The following RAD51C variants were observed in gnomAD, a reference collection of about 807,000 sequenced individuals.
The protein encoded by RAD51C is RAD51 paralog C.
Under a neutral mutation model 45.0 loss-of-function variants are expected in RAD51C, and 42 were observed. That is an observed-to-expected ratio of 0.93 (90% CI 0.73 to 1.21). RAD51C has a LOEUF of 1.21. Ranked by LOEUF, RAD51C falls within the 50% of genes most tolerant of loss-of-function variation. RAD51C has a pLI of 0.00. For synonymous variants in RAD51C, 172 were observed against 159.8 expected, an observed-to-expected ratio of 1.08 and a Z score of -0.58; for missense variants, 474 against 452.2, an observed-to-expected ratio of 1.05 and a Z score of -0.44.
intron 7 of RAD51C, among the ~76,000 whole-genome samples, chr17:58,726,011 A>C (rs1399021308): frequency 1.3e-5 from 2 of 151,524 alleles, no homozygotes; most frequent in Non-Finnish European, 2.9e-5. Flanking sequence ...AAAAAAAAAA[A>C]AAAAACAAGA....
intron 7 of RAD51C, among the ~76,000 whole-genome samples, chr17:58,727,947 A>AAT (rs1425092152): frequency 6.6e-6 from 1 of 151,718 alleles, no homozygotes; most frequent in Admixed American, 6.6e-5. Flanking sequence ...AAAAAAAAAA[A>AAT]AAAAGTTACA....
At position 58,703,276 on chromosome 17, in the gene RAD51C, G is replaced by A. The variant is rs2143799762; in HGVS notation, c.652G>A (p.Glu218Lys). 1 of 1,610,256 alleles carries A rather than the reference G, an allele frequency of 6.2e-7. No homozygotes were observed. The highest frequency in any genetic ancestry group is 8.5e-7 in the Non-Finnish European group (1 of 1,176,678). ...IYYFRCRDYTELLAQVYLLPD... is the reference protein window; with the variant it reads ...IYYFRCRDYTKLLAQVYLLPD... ...TTATTTTCGCTGTCGTGACTACACA[G>A]AGTTACTGGCACAAGTTTATCTTCT... The change falls in exon 4 of 9, where the codon GAG becomes AAG. Residue 218 changes from glutamate (E) to lysine (K), a missense_variant. Physicochemically the swap from Glu to Lys is moderately conservative, Grantham distance 56. Transcript: ENST00000337432.
intron 7 of RAD51C, among the ~76,000 whole-genome samples, chr17:58,727,430 G>C (rs1402463983): frequency 2.0e-5 from 3 of 152,128 alleles, no homozygotes; most frequent in Admixed American, 2.0e-4. Context: ...GGCCATAGCT[G>C]ACTTTATGGA....
At chr17:58,731,971 T>C (rs960694371) in intron 7 of RAD51C, among the ~76,000 whole-genome samples, 4 of 152,188 alleles carry the variant, frequency 2.6e-5, no homozygotes, top group Admixed American at 1.3e-4. Context: ...TAAGAAATTA[T>C]CATAATTCTT....
At chr17:58,698,543 G>C (rs1041573376) in intron 3 of RAD51C, among the ~76,000 whole-genome samples, 8 of 150,654 alleles carry the variant, frequency 5.3e-5, no homozygotes, top group African/African-American at 1.7e-4. Context: ...AGGCAAGTCA[G>C]GTCTTGAACT....
At chr17:58,716,572 C>G (rs1418753948) in intron 5 of RAD51C, among the ~76,000 whole-genome samples, 1 of 145,186 alleles carries the variant, frequency 6.9e-6, no homozygotes, top group Non-Finnish European at 1.5e-5. Context: ...ACGCCATTCT[C>G]CTCCCTCAGC....
intron 3 of RAD51C, among the ~76,000 whole-genome samples, chr17:58,702,001 G>GT (rs35306750): frequency 0.35 from 50,477 of 145,354 alleles, 9,218 homozygotes; most frequent in Middle Eastern, 0.5. Flanking sequence ...TTATTTTTTT[G>GT]TTTTTTTTTT....
chr17:58,711,883 T>C (rs1381818304), intron 5 of RAD51C, among the ~76,000 whole-genome samples: 1 of 151,936 alleles, frequency 6.6e-6, no homozygotes, highest in East Asian at 1.9e-4. Context: ...ATATATAACA[T>C]GTATGGCTTT....
chr17:58,695,053 C>T lies in RAD51C; in HGVS notation c.268C>T (p.Leu90Phe), dbSNP rs876659585. The T allele has an allele frequency of 6.2e-7, 1 of 1,614,112 alleles. No homozygotes were observed. The highest frequency in any genetic ancestry group is 8.5e-7 in the Non-Finnish European group (1 of 1,180,016). ...ESHKKCTALE[L>F]LEQEHTQGFI... Reference sequence around the variant, plus strand: ...ACACAAGAAGTGTACAGCACTGGAACTTCTTGAGCAGGAGCATACCCAGGG... The same window carrying T: ...ACACAAGAAGTGTACAGCACTGGAATTTCTTGAGCAGGAGCATACCCAGGG... The change falls in exon 2 of 9, where the codon CTT becomes TTT. Residue 90 changes from leucine to phenylalanine, a missense_variant. Physicochemically the swap from Leu to Phe is conservative, Grantham distance 22 (BLOSUM62 0). Coordinates refer to ENST00000337432, the MANE Select transcript of RAD51C (RefSeq NM_058216.3).
chr17:58,706,756 A>G lies in RAD51C; in HGVS notation c.706-3103A>G, dbSNP rs188139621. On this transcript the variant is annotated intron_variant, in intron 4 of 8. Transcript: ENST00000337432. ...CAACAGCCTTCGTTCATTCTTTCCC[A>G]CTTACTCTGTCCTCTTTACTTCAAA... is the stretch of plus-strand genomic sequence containing the variant. 209 of 213,198 alleles carry G rather than the reference A, an allele frequency of 9.8e-4. 1 individual carries two copies. The highest frequency in any genetic ancestry group is 2.4e-3 in the Admixed American group (43 of 18,212). 13.2% of individuals were successfully genotyped at this position (213,198 alleles called of 1,614,324 possible).
intron 4 of RAD51C, chr17:58,706,524 TG>T: frequency 2.2e-6 from 1 of 464,366 alleles, no homozygotes; most frequent in Non-Finnish European, 4.5e-6. Context: ...TACTGCTCTG[TG>T]GGGTGGCCCT....
chr17:58,696,463 T>C (rs1437955216), intron 2 of RAD51C, among the ~76,000 whole-genome samples: 1 of 152,154 alleles, frequency 6.6e-6, no homozygotes, highest in Non-Finnish European at 1.5e-5. Flanking sequence ...TAAAATATCC[T>C]TAATCTTGGT....
chr17:58,725,334 T>C (rs1420801257), intron 7 of RAD51C, among the ~76,000 whole-genome samples: 3 of 152,146 alleles, frequency 2.0e-5, no homozygotes, highest in Non-Finnish European at 4.4e-5. Context: ...ATTGTAAAGA[T>C]TTGGCAACAG....
chr17:58,722,669 C>T (rs1008114006), intron 6 of RAD51C, among the ~76,000 whole-genome samples: 1 of 152,056 alleles, frequency 6.6e-6, no homozygotes, highest in African/African-American at 2.4e-5. Flanking sequence ...CTCCCTAATC[C>T]CTTAAAGAGA....
At chr17:58,694,850 A>G in intron 1 of RAD51C, 81 bp from the exon 2 acceptor site, 1 of 1,283,404 alleles carries the variant, frequency 7.8e-7, no homozygotes, top group Non-Finnish European at 1.1e-6. Context: ...GTTGTCTACA[A>G]ATTAATAAAG....
At position 58,695,193 on chromosome 17, in the gene RAD51C, A is replaced by C; in HGVS notation, c.404+4A>C. ...GTGTTGGAAAAACACAATTATGGTAAAATAAAGTGTTCTCCTTTTAAGGGT... is the reference window on the plus strand; with the variant it reads ...GTGTTGGAAAAACACAATTATGGTACAATAAAGTGTTCTCCTTTTAAGGGT... On this transcript the variant is annotated splice_donor_region_variant and intron_variant, in intron 2 of 8. Coordinates refer to ENST00000337432, the MANE Select transcript of RAD51C (RefSeq NM_058216.3). 6.2e-7 allele frequency: 1 copy of C among 1,609,662 alleles called. No homozygotes were observed. Among genetic ancestry groups the C allele is most frequent in the Non-Finnish European group, 8.5e-7 (1 of 1,177,434 alleles).
chr17:58,732,909 A>C (rs2049492172), intron 8 of RAD51C: 1 of 214,828 alleles, frequency 4.7e-6, no homozygotes, highest in East Asian at 1.1e-4. Flanking sequence ...GTAGCACCAA[A>C]TATAGCCCAC....
At chr17:58,712,691 G>A (rs112108591) in intron 5 of RAD51C, among the ~76,000 whole-genome samples, 170 of 152,050 alleles carry the variant, frequency 1.1e-3, no homozygotes, top group Non-Finnish European at 1.9e-3. Flanking sequence ...TTGATGGCGG[G>A]CGCCTGTAAT....
intron 6 of RAD51C, among the ~76,000 whole-genome samples, 177 bp from the exon 7 acceptor site, chr17:58,723,863 G>A (rs1312268846): frequency 6.6e-6 from 1 of 152,090 alleles, no homozygotes; most frequent in Non-Finnish European, 1.5e-5. Flanking sequence ...TATTTCCCTA[G>A]ATAGGTAAAA....
Sources: gnomAD v4.1 joint callset for allele counts (sites outside exome capture counted in the v4.1 genomes callset) on GRCh38, gnomAD v4.1.1 for gene constraint, MANE v1.5 for transcripts, NCBI Gene and HGNC (gene_info 2026-07-23, HGNC 2026-07-21) for gene names.